NSMAF: variants seen among roughly 807,000 people sequenced by gnomAD.
NSMAF encodes protein FAN.
In NSMAF, 90 loss-of-function variants were observed where a neutral mutation model predicts 134.9. The ratio of observed to expected loss-of-function variants is 0.67; its 90% CI spans 0.56 to 0.79. The LOEUF is 0.79. Ranked by LOEUF, NSMAF falls within the 30% of genes least tolerant of loss-of-function variation. The probability of loss-of-function intolerance (pLI) is 0.00; values close to 1 mark genes in which losing one functional copy is unlikely to be tolerated. For synonymous variants in NSMAF, 358 were observed against 389.6 expected (o/e 0.92, Z 0.96); for missense variants, 1,010 against 1,119.0 (o/e 0.90, Z 1.39).
intron 14 of NSMAF, 23 bp downstream of exon 14, chr8:58,602,035 C>T: frequency 3.8e-6 from 6 of 1,585,626 alleles, no homozygotes; most frequent in East Asian, 2.2e-5. Flanking sequence ...GCTTAGAAAC[C>T]AAGAATCTCT....
At chr8:58,645,934 G>A (rs1024311371) in intron 1 of NSMAF, among the ~76,000 whole-genome samples, 4 of 152,042 alleles carry the variant, frequency 2.6e-5, no homozygotes, top group South Asian at 2.1e-4. Flanking sequence ...CCAGCTACTC[G>A]GGAGGCTGAG....
chr8:58,642,425 TAGTG>T (rs1343533862), intron 2 of NSMAF, among the ~76,000 whole-genome samples: 3 of 152,340 alleles, frequency 2.0e-5, no homozygotes, highest in East Asian at 1.9e-4. Flanking sequence ...GTTTTTATAG[TAGTG>T]AGTAATAGTT....
Position 58,584,205 on chromosome 8 carries a change from G to C in NSMAF, c.2660-5C>G. 1.9e-6 allele frequency: 3 copies of C among 1,610,556 alleles called. No individual in the cohort carries two copies. Among genetic ancestry groups the C allele is most frequent in the Non-Finnish European group, 2.5e-6 (3 of 1,177,360 alleles). On this transcript the variant is annotated splice_polypyrimidine_tract_variant and splice_region_variant and intron_variant, in intron 30 of 30. Transcript: ENST00000038176. Reference sequence around the variant, plus strand: ...TCCATATACATGTCACAGCACCTGAGAGAAAGACATTTTGGTTAGTTAGGA... The same window carrying C: ...TCCATATACATGTCACAGCACCTGACAGAAAGACATTTTGGTTAGTTAGGA...
chr8:58,642,963 G>A lies in NSMAF; in HGVS notation c.149+21C>T, dbSNP rs763571431. The stretch of plus-strand genomic sequence containing the variant: ...TATCAGAAAGGTTTGTTTGTCCAAG[G>A]AGATACCGAAGCTTCCTTACCTTTC... On this transcript the variant is annotated intron_variant, in intron 2 of 30. Coordinates refer to ENST00000038176, the MANE Select transcript of NSMAF (RefSeq NM_003580.4). 7 of 1,556,212 alleles carry A rather than the reference G, an allele frequency of 4.5e-6. No individual in the cohort carries two copies. In the Admixed American group the frequency reaches 5.0e-5, roughly 11 times the overall value.
chr8:58,654,215 C>T lies in NSMAF; in HGVS notation c.59+5358G>A, dbSNP rs552399216. Reference sequence around the variant, plus strand: ...AAGCCTTAGAAATGAAAGATTAAACCGAAGTACCACAATCACTTTGCCCTC... The same window carrying T: ...AAGCCTTAGAAATGAAAGATTAAACTGAAGTACCACAATCACTTTGCCCTC... On this transcript the variant is annotated intron_variant, in intron 1 of 30. Transcript: ENST00000038176. Among the ~76,000 whole-genome samples, 9 of 152,202 alleles carry T rather than the reference C, an allele frequency of 5.9e-5. No homozygotes were observed. The South Asian group carries it at 1.2e-3, about 21-fold the overall frequency.
chr8:58,623,184 C>A, intron 9 of NSMAF, 36 bp downstream of exon 9: 1 of 1,501,976 alleles, frequency 6.7e-7, no homozygotes, highest in South Asian at 1.1e-5. Context: ...AAATGTCCAC[C>A]ACTTTTCTAA....
intron 11 of NSMAF, among the ~76,000 whole-genome samples, chr8:58,606,446 T>C (rs1806413891): frequency 6.6e-6 from 1 of 152,170 alleles, no homozygotes; most frequent in Non-Finnish European, 1.5e-5. Context: ...GACCAGGTCC[T>C]GCTCTGTTGC....
Position 58,585,675 on chromosome 8 carries a change from C to G in NSMAF, c.2636G>C (p.Ser879Thr), listed in dbSNP as rs1183205470. The G allele has an allele frequency of 1.2e-6, 2 of 1,614,002 alleles. No individual in the cohort carries two copies. The highest frequency in any genetic ancestry group is 2.2e-5 in the South Asian group (2 of 91,076). ...ACCTGTGTGGCCCTGTATTCTCTCACTGATTTTTGCTCCAAGGAGGTCCCA... is the reference window on the plus strand; with the variant it reads ...ACCTGTGTGGCCCTGTATTCTCTCAGTGATTTTTGCTCCAAGGAGGTCCCA... ...LVWDLLGAKI[S>T]ERIQGHTGAV... The change falls in exon 30 of 31, where the codon AGT becomes ACT. Residue 879 changes from serine (S) to threonine (T), a missense_variant. Coordinates refer to ENST00000038176, the MANE Select transcript of NSMAF (RefSeq NM_003580.4).
At position 58,658,547 on chromosome 8, in the gene NSMAF, T is replaced by C. The variant is rs574030513; in HGVS notation, c.59+1026A>G. ...AGACAAATCTTGAAGTCTGCACTTG[T>C]ATTCCCACGTGTAACCTGCTTTGCT... On this transcript the variant is annotated intron_variant, in intron 1 of 30. Transcript: ENST00000038176. Among the ~76,000 whole-genome samples the C allele has an allele frequency of 3.3e-5, 5 of 152,338 alleles. No homozygotes were observed. In the South Asian group the frequency reaches 1.0e-3, roughly 32 times the overall value.
chr8:58,600,983 A>G lies in NSMAF; in HGVS notation c.1280+302T>C, dbSNP rs868866218. Among the ~76,000 whole-genome samples, 5 of 152,312 alleles carry G rather than the reference A, an allele frequency of 3.3e-5. No homozygotes were observed. The South Asian group carries it at 1.0e-3, about 32-fold the overall frequency. Reference sequence around the variant, plus strand: ...TGACATAAAATATGGCATATGTTAGAATGTGATACAATAATTTTAAAAAAG... The same window carrying G: ...TGACATAAAATATGGCATATGTTAGGATGTGATACAATAATTTTAAAAAAG... On this transcript the variant is annotated intron_variant, in intron 16 of 30. Transcript: ENST00000038176.
At chr8:58,634,550 C>T (rs1284213457) in intron 5 of NSMAF, among the ~76,000 whole-genome samples, 2 of 152,318 alleles carry the variant, frequency 1.3e-5, no homozygotes, top group Admixed American at 1.3e-4. Flanking sequence ...GCTGTCAAGG[C>T]AACATCTGCT....
At chr8:58,645,772 G>A (rs967059386) in intron 1 of NSMAF, among the ~76,000 whole-genome samples, 2 of 152,108 alleles carry the variant, frequency 1.3e-5, no homozygotes, top group East Asian at 1.9e-4. Context: ...CAGGCGCAGC[G>A]GCTCACACCT....
rs536242506 is a variant in NSMAF at position 58,620,958 on chromosome 8, T to C, written c.557+2262A>G. Among the ~76,000 whole-genome samples the C allele has an allele frequency of 2.8e-4, 43 of 152,320 alleles. 2 individuals are homozygous for C. The South Asian group carries it at 8.7e-3, about 31-fold the overall frequency. On this transcript the variant is annotated intron_variant, in intron 9 of 30. Transcript: ENST00000038176. Reference sequence around the variant, plus strand: ...TTAATTTTTTTTATTATCTTTTAACTTTTATTTTAGTTTCAGGGTACATAT... The same window carrying C: ...TTAATTTTTTTTATTATCTTTTAACCTTTATTTTAGTTTCAGGGTACATAT...
intron 9 of NSMAF, among the ~76,000 whole-genome samples, chr8:58,616,810 T>C (rs527932442): frequency 1.2e-4 from 19 of 152,274 alleles, no homozygotes; most frequent in Admixed American, 1.0e-3. Context: ...GATTAAATGA[T>C]TATGTACATG....
At chr8:58,623,637 T>C (rs1022306769) in intron 7 of NSMAF, 72 bp downstream of exon 7, 2 of 1,325,458 alleles carry the variant, frequency 1.5e-6, no homozygotes, top group Non-Finnish European at 2.2e-6. Flanking sequence ...GGGTAAGGTA[T>C]ATAAATACGA....
At chr8:58,588,620 C>G (rs1242808682) in intron 26 of NSMAF, 8 of 1,479,678 alleles carry the variant, frequency 5.4e-6, no homozygotes, top group Non-Finnish European at 7.5e-6. Flanking sequence ...TCCCTGACTG[C>G]TGCGGCCTCC....
intron 1 of NSMAF, 170 bp downstream of exon 1, chr8:58,659,403 G>A: frequency 2.6e-6 from 4 of 1,512,018 alleles, no homozygotes; most frequent in Non-Finnish European, 3.5e-6. Flanking sequence ...CTCTCACCCC[G>A]ACCTCAGGTT....
At chr8:58,629,179 C>G (rs1205133274) in intron 6 of NSMAF, among the ~76,000 whole-genome samples, 1 of 152,164 alleles carries the variant, frequency 6.6e-6, no homozygotes, top group Non-Finnish European at 1.5e-5. Flanking sequence ...ATTTGGTCCA[C>G]TTGACGGTGT....
At position 58,599,239 on chromosome 8, in the gene NSMAF, G is replaced by A. The variant is rs113021646; in HGVS notation, c.1578C>T (p.Ala526=). The part of the protein sequence containing the change: ...YKQKGSDAVG[A]HNVFHPLTYE... Reference sequence around the variant, plus strand: ...TCAATGAATATTACATACCATTATGGGCCCCAACTGCATCACTCCCTTTTT... The same window carrying A: ...TCAATGAATATTACATACCATTATGAGCCCCAACTGCATCACTCCCTTTTT... The change falls in exon 19 of 31, where the codon GCC becomes GCT. Residue 526 remains alanine, a synonymous_variant. Transcript: ENST00000038176. 1.1e-4 allele frequency: 177 copies of A among 1,612,574 alleles called. No individual in the cohort carries two copies. The highest frequency in any genetic ancestry group is 1.3e-5 in the Non-Finnish European group (15 of 1,179,176).
Sources: allele counts gnomAD v4.1 joint callset (sites outside exome capture counted in the v4.1 genomes callset), GRCh38; gene constraint gnomAD v4.1.1; transcripts MANE v1.5; gene names NCBI Gene and HGNC (gene_info 2026-07-23, HGNC 2026-07-21).